Variants in RASA3 observed in about 807,000 individuals in gnomAD.
The protein encoded by RASA3 is RAS p21 protein activator 3, also known as ras GTPase-activating protein 3.
In RASA3, 73 loss-of-function variants were observed where a neutral mutation model predicts 110.0. The ratio of observed to expected loss-of-function variants is 0.66; its 90% CI spans 0.55 to 0.81. The LOEUF is 0.81. Among genes scored for constraint, RASA3 ranks in the 30% least tolerant of loss-of-function variants. The pLI is 0.00. For synonymous variants in RASA3, 500 were observed against 451.4 expected (o/e 1.11, Z -1.37); for missense variants, 976 against 1,113.2 (o/e 0.88, Z 1.75).
intron 2 of RASA3, among the ~76,000 whole-genome samples, chr13:114,053,170 C>T (rs567907078): frequency 9.7e-4 from 144 of 147,796 alleles, no homozygotes; most frequent in African/African-American, 3.3e-3. Context: ...ACTGCCCAGC[C>T]GCCCTAGCTC....
chr13:114,029,783 C>T (rs373135720), intron 5 of RASA3, 28 bp downstream of exon 5: 1 of 1,573,886 alleles, frequency 6.4e-7, no homozygotes, highest in African/African-American at 1.4e-5. Context: ...TCGCTGTGCG[C>T]TCGGTCTCTA....
intron 1 of RASA3, 54 bp downstream of exon 1, chr13:114,132,381 A>G: frequency 6.9e-7 from 1 of 1,445,256 alleles, no homozygotes. Flanking sequence ...CGGGCGCGGG[A>G]GAGGACAGGG....
intron 1 of RASA3, among the ~76,000 whole-genome samples, chr13:114,101,996 C>T (rs540872824): frequency 8.7e-4 from 133 of 152,268 alleles, no homozygotes; most frequent in African/African-American, 3.1e-3. Context: ...ACCCCACAAG[C>T]GACGTCTACA....
intron 4 of RASA3, among the ~76,000 whole-genome samples, chr13:114,034,199 A>G (rs1160501594): frequency 6.6e-6 from 1 of 152,222 alleles, no homozygotes; most frequent in Non-Finnish European, 1.5e-5. Context: ...TGGCCTGACC[A>G]CCAAAGACAG....
At chr13:114,073,436 A>G (rs576353948) in intron 2 of RASA3, among the ~76,000 whole-genome samples, 241 of 144,184 alleles carry the variant, frequency 1.7e-3, no homozygotes, top group African/African-American at 6.0e-3. Context: ...ACGCACAGAA[A>G]AATTCCCTAC....
At chr13:114,068,135 C>A (rs2079485641) in intron 2 of RASA3, among the ~76,000 whole-genome samples, 1 of 152,254 alleles carries the variant, frequency 6.6e-6, no homozygotes, top group South Asian at 2.1e-4. Flanking sequence ...CCTGCAGTTT[C>A]TTCCTGTTGT....
chr13:114,117,754 A>G (rs202191872), intron 1 of RASA3, among the ~76,000 whole-genome samples: 1,059 of 45,672 alleles, frequency 0.023, 4 homozygotes, highest in Middle Eastern at 0.048. Flanking sequence ...TGTGTGAGGG[A>G]TGCACGTGTG....
At chr13:114,125,413 G>A (rs993259508) in intron 1 of RASA3, among the ~76,000 whole-genome samples, 1 of 152,202 alleles carries the variant, frequency 6.6e-6, no homozygotes, top group Non-Finnish European at 1.5e-5. Flanking sequence ...GGGAGCAGGT[G>A]TCTCACACGG....
At chr13:114,000,686 G>C in intron 19 of RASA3, 140 bp downstream of exon 19, 1 of 653,162 alleles carries the variant, frequency 1.5e-6, no homozygotes, top group South Asian at 1.8e-5. Flanking sequence ...GAAGCAGAGG[G>C]CTCTGGGTCA....
At position 113,979,295 on chromosome 13, in the gene RASA3, T is replaced by C; in HGVS notation, c.*52A>G. On this transcript the variant is annotated 3_prime_UTR_variant, in exon 24 of 24. Transcript: ENST00000334062. ...TCCTTCTCTTCTCCCTCCCAAAGGCTGCGGCTTTGCATGGGCAGCTTGCTG... is the reference window on the plus strand; with the variant it reads ...TCCTTCTCTTCTCCCTCCCAAAGGCCGCGGCTTTGCATGGGCAGCTTGCTG... 6.8e-7 allele frequency: 1 copy of C among 1,480,100 alleles called. No homozygotes were observed. 91.7% of individuals were successfully genotyped at this position (1,480,100 alleles called of 1,614,324 possible). A position where few individuals can be genotyped will look rare whatever the true frequency, so the allele number is the denominator to read the frequency against.
intron 1 of RASA3, among the ~76,000 whole-genome samples, chr13:114,074,210 C>T (rs1434393214): frequency 6.6e-6 from 1 of 152,226 alleles, no homozygotes; most frequent in Admixed American, 6.5e-5. Flanking sequence ...GTGCAACCAT[C>T]ACCACCGTCC....
At position 113,979,272 on chromosome 13, in the gene RASA3, C is replaced by T; in HGVS notation, c.*75G>A. The stretch of plus-strand genomic sequence containing the variant: ...TCACTTTGCCGGCTCTGCGCTCTTC[C>T]TTCTCTTCTCCCTCCCAAAGGCTGC... On this transcript the variant is annotated 3_prime_UTR_variant, in exon 24 of 24. Transcript: ENST00000334062. The T allele has an allele frequency of 2.1e-6, 3 of 1,396,164 alleles. No individual in the cohort carries two copies. The highest frequency in any genetic ancestry group is 2.3e-5 in the East Asian group (1 of 43,814). The allele number at this position is 1,396,164 out of a possible 1,614,324, so 86.5% of individuals were successfully genotyped here. A position where few individuals can be genotyped will look rare whatever the true frequency, so the allele number is the denominator to read the frequency against.
intron 3 of RASA3, among the ~76,000 whole-genome samples, chr13:114,041,880 CAG>C (rs2054416804): frequency 6.6e-6 from 1 of 151,526 alleles, no homozygotes; most frequent in Non-Finnish European, 1.5e-5. Flanking sequence ...TGGCCTTCTC[CAG>C]ACGGAGGAGA....
chr13:114,103,418 G>T (rs1171152839), intron 1 of RASA3, among the ~76,000 whole-genome samples: 2 of 152,080 alleles, frequency 1.3e-5, no homozygotes, highest in Non-Finnish European at 2.9e-5. Context: ...CAAAGGGAAG[G>T]TCGGGCGGCT....
At chr13:114,013,935 C>CT (rs1566479289) in intron 14 of RASA3, among the ~76,000 whole-genome samples, 1 of 64,860 alleles carries the variant, frequency 1.5e-5, no homozygotes, top group African/African-American at 6.0e-5. Context: ...TCTCTCTCTC[C>CT]CTGTCTCTAT....
At chr13:114,083,492 C>T (rs893530401) in intron 1 of RASA3, among the ~76,000 whole-genome samples, 6 of 152,214 alleles carry the variant, frequency 3.9e-5, no homozygotes, top group Non-Finnish European at 1.5e-5. Flanking sequence ...AATGGCGTGC[C>T]GTGAAATCAC....
At chr13:114,042,291 T>C (rs2054427074) in intron 3 of RASA3, among the ~76,000 whole-genome samples, 2 of 152,186 alleles carry the variant, frequency 1.3e-5, no homozygotes, top group Admixed American at 6.5e-5. Flanking sequence ...CTCCGCACAC[T>C]GCGGACCACG....
chr13:114,003,649 AAT>A (rs1389225893), intron 18 of RASA3, among the ~76,000 whole-genome samples: 1 of 148,226 alleles, frequency 6.7e-6, no homozygotes, highest in Non-Finnish European at 1.5e-5. Flanking sequence ...ACAGGCTCGT[AAT>A]ATATTCTGTG....
chr13:114,017,855 G>A (rs1298565715), intron 11 of RASA3, among the ~76,000 whole-genome samples: 1 of 151,722 alleles, frequency 6.6e-6, no homozygotes, highest in Non-Finnish European at 1.5e-5. Context: ...AGCTGTCCTC[G>A]AGCCCCAGGA....
Sources: gnomAD v4.1 joint callset for allele counts (sites outside exome capture counted in the v4.1 genomes callset) on GRCh38, gnomAD v4.1.1 for gene constraint, MANE v1.5 for transcripts, NCBI Gene and HGNC (gene_info 2026-07-23, HGNC 2026-07-21) for gene names.